The following TNRC6B variants were observed in gnomAD, a reference collection of about 807,000 sequenced individuals.
TNRC6B encodes the protein trinucleotide repeat containing adaptor 6B, also known as trinucleotide repeat-containing gene 6B protein.
In TNRC6B, 52 loss-of-function variants were observed where a neutral mutation model predicts 203.6. The ratio of observed to expected loss-of-function variants is 0.26; its 90% CI spans 0.20 to 0.32. The LOEUF (loss-of-function observed/expected upper bound fraction) is 0.32. Ranked by LOEUF, TNRC6B falls within the 10% of genes least tolerant of loss-of-function variation. The pLI, the probability that TNRC6B is intolerant of heterozygous loss-of-function variation, is 1.00. For synonymous variants in TNRC6B, 838 were observed against 845.7 expected, an observed-to-expected ratio of 0.99 and a Z score of 0.16; for missense variants, 1,923 against 2,286.2, an observed-to-expected ratio of 0.84 and a Z score of 3.24.
intron 1 of TNRC6B, among the ~76,000 whole-genome samples, chr22:40,065,091 GTGTTCCC>G (rs2067884700): frequency 6.8e-6 from 1 of 147,236 alleles, no homozygotes; most frequent in Admixed American, 6.8e-5. Context: ...GAATTGGGAA[GTGTTCCC>G]TTCGTTTTTG....
chr22:40,101,868 C>T (rs2068243961), intron 1 of TNRC6B, among the ~76,000 whole-genome samples: 2 of 152,178 alleles, frequency 1.3e-5, no homozygotes, highest in South Asian at 4.1e-4. Context: ...CAACCGGTGT[C>T]GCTTCTCTGG....
intron 3 of TNRC6B, among the ~76,000 whole-genome samples, chr22:40,130,988 G>A (rs2068538647): frequency 6.7e-6 from 1 of 149,762 alleles, no homozygotes; most frequent in Admixed American, 6.7e-5. Flanking sequence ...TGCAAGCTCC[G>A]CCTCCCGGGT....
chr22:40,138,153 C>A (rs2068616270), intron 3 of TNRC6B, among the ~76,000 whole-genome samples: 1 of 152,090 alleles, frequency 6.6e-6, no homozygotes, highest in Non-Finnish European at 1.5e-5. Flanking sequence ...AGGGGACTGA[C>A]AGGAGAAGCA....
At chr22:40,300,716 A>C in intron 13 of TNRC6B, 130 bp downstream of exon 13, 5 of 1,329,898 alleles carry the variant, frequency 3.8e-6, no homozygotes, top group Non-Finnish European at 5.1e-6. Context: ...TTCTTTGCAA[A>C]CTATGGAGTG....
rs965424644 is a variant in TNRC6B at position 40,300,848 on chromosome 22, G to GTGTCC, written c.3841-60_3841-56dup. ...GTACTTCAGTGCACAGACCCTTTAG[G>GTGTCC]TGTCCTCAGTAAATCAATCTCAGGA... On this transcript the variant is annotated intron_variant, in intron 13 of 22. Coordinates refer to ENST00000454349, the MANE Select transcript of TNRC6B (RefSeq NM_001162501.2). The GTGTCC allele has an allele frequency of 1.3e-5, 19 of 1,506,506 alleles. No homozygotes were observed. In the African/African-American group the frequency reaches 2.3e-4, roughly 19 times the overall value. The allele number at this position is 1,506,506 out of a possible 1,614,324, so 93.3% of individuals were successfully genotyped here.
In TNRC6B at chr22:40,329,019, CA is replaced by C. The variant is rs10707775; in HGVS notation, c.*5790del. 50,424 of 132,460 alleles carry C rather than the reference CA, an allele frequency of 0.38. 11,655 individuals are homozygous for C. Among genetic ancestry groups the C allele is most frequent in the African/African-American group, 0.69 (26,725 of 38,778 alleles). The allele number at this position is 132,460 out of a possible 1,614,324, so 8.2% of individuals were successfully genotyped here. On this transcript the variant is annotated 3_prime_UTR_variant, in exon 23 of 23. Transcript: ENST00000454349. ...TTAACTATACTTCTTAGTGTTACTG[CA>C]AAAAAAAAAAACAAAAACAAAACAA... is the stretch of plus-strand genomic sequence containing the variant.
intron 15 of TNRC6B, among the ~76,000 whole-genome samples, chr22:40,303,311 C>G (rs543008604): frequency 6.6e-6 from 1 of 152,128 alleles, no homozygotes; most frequent in African/African-American, 2.4e-5. Flanking sequence ...CAGGCGTGAG[C>G]CACTGCACCT....
chr22:40,067,878 A>G (rs978365756), intron 1 of TNRC6B, among the ~76,000 whole-genome samples: 7 of 152,150 alleles, frequency 4.6e-5, no homozygotes, highest in African/African-American at 1.2e-4. Context: ...CCCAGAAGCA[A>G]TGCTTCACCA....
At chr22:40,168,129 T>C (rs1409309716) in intron 4 of TNRC6B, among the ~76,000 whole-genome samples, 1 of 152,220 alleles carries the variant, frequency 6.6e-6, no homozygotes, top group South Asian at 2.1e-4. Context: ...TTACACTTTT[T>C]TGTTGATTGC....
intron 1 of TNRC6B, among the ~76,000 whole-genome samples, chr22:40,215,344 T>C (rs2069621427): frequency 6.6e-6 from 1 of 152,208 alleles, no homozygotes; most frequent in Admixed American, 6.5e-5. Flanking sequence ...CCCCATTCTC[T>C]GTGTGTGCTT....
At chr22:40,167,730 A>C (rs111980780) in intron 4 of TNRC6B, among the ~76,000 whole-genome samples, 1 of 123,986 alleles carries the variant, frequency 8.1e-6, no homozygotes, top group Non-Finnish European at 1.7e-5. Flanking sequence ...AAAAAAAAAA[A>C]GCTGGCCATG....
rs2071462453 is a variant in TNRC6B, at chr22:40,331,245, A to G, written c.*8004A>G. The G allele has an allele frequency of 6.5e-6, 1 of 153,516 alleles. No individual in the cohort carries two copies. The highest frequency in any genetic ancestry group is 2.4e-5 in the African/African-American group (1 of 41,506). The allele number at this position is 153,516 out of a possible 1,614,324, so 9.5% of individuals were successfully genotyped here. On this transcript the variant is annotated 3_prime_UTR_variant, in exon 23 of 23. Transcript: ENST00000454349. ...TGTTGATGCAAACAGGGTATTACACACAAGGAAAAGGGGTTTTGAAGAGTT... is the reference window on the plus strand; with the variant it reads ...TGTTGATGCAAACAGGGTATTACACGCAAGGAAAAGGGGTTTTGAAGAGTT...
At position 40,170,290 on chromosome 22, in the gene TNRC6B, A is replaced by T. The variant is rs1372526922; in HGVS notation, c.113+14108A>T. On this transcript the variant is annotated intron_variant, in intron 4 of 23. Transcript: ENST00000301923. Reference sequence around the variant, plus strand: ...GAAACCCTATCTCAAGGGGGAAAAAAATATATATATATAATATATATTTTA... The same window carrying T: ...GAAACCCTATCTCAAGGGGGAAAAATATATATATATATAATATATATTTTA... 1.6e-4 allele frequency among the ~76,000 whole-genome samples: 20 copies of T among 125,672 alleles called. No homozygotes were observed. The East Asian group carries it at 1.9e-3, about 12-fold the overall frequency. The allele number at this position is 125,672 out of a possible 152,430, so 82.4% of individuals were successfully genotyped here.
upstream of TNRC6B, among the ~76,000 whole-genome samples, chr22:40,177,208 G>A (rs1051615673): frequency 6.6e-6 from 1 of 152,192 alleles, no homozygotes; most frequent in Non-Finnish European, 1.5e-5. Context: ...TGCGGTGGGG[G>A]AGGGGATTAA....
Position 40,265,158 on chromosome 22 carries a change from G to C in TNRC6B, c.928G>C (p.Ala310Pro). 1 of 1,613,966 alleles carries C rather than the reference G, an allele frequency of 6.2e-7. No individual in the cohort carries two copies. Among genetic ancestry groups the C allele is most frequent in the Non-Finnish European group, 8.5e-7 (1 of 1,179,884 alleles). Residue 310 changes from alanine to proline, a missense_variant, in exon 5 of 23, where the codon GCC becomes CCC. Ala to Pro is a conservative substitution (Grantham distance 27, BLOSUM62 -1). This residue lies in a region of TNRC6B where 614 missense variants were observed against 587.7 expected (regional missense o/e 1.04). Coordinates refer to ENST00000454349, the MANE Select transcript of TNRC6B (RefSeq NM_001162501.2). ...SNFNPNSNPS[A>P]WPALVQEGTS... ...CTTTAACCCAAATAGCAACCCATCT[G>C]CCTGGCCAGCACTGGTCCAAGAAGG...
rs769171041 is a variant in TNRC6B at position 40,091,044 on chromosome 22, C to T, written c.-120-26011C>T. Among the ~76,000 whole-genome samples the T allele has an allele frequency of 4.6e-5, 7 of 152,250 alleles. No homozygotes were observed. The South Asian group carries it at 6.2e-4, about 14-fold the overall frequency. On this transcript the variant is annotated intron_variant, in intron 1 of 23. Transcript: ENST00000301923. ...TCGCCCAGGCTGGAGTGCAGTAGCA[C>T]GATCTTGGCTCACTGCAAGCTTCGC...
chr22:40,056,666 C>T (rs558854381), intron 1 of TNRC6B, among the ~76,000 whole-genome samples: 6 of 152,062 alleles, frequency 3.9e-5, no homozygotes, highest in African/African-American at 1.2e-4. Flanking sequence ...AGCATGATGG[C>T]ACATGCCTGT....
chr22:40,107,633 T>G (rs1228332357), intron 1 of TNRC6B, among the ~76,000 whole-genome samples: 6 of 151,792 alleles, frequency 4.0e-5, no homozygotes, highest in Non-Finnish European at 8.8e-5. Context: ...TAAAATACTG[T>G]TAGACAAATT....
chr22:40,204,228 T>G (rs2069450286), intron 1 of TNRC6B, among the ~76,000 whole-genome samples: 2 of 152,220 alleles, frequency 1.3e-5, no homozygotes, highest in South Asian at 4.1e-4. Context: ...TCTTTGTTGT[T>G]TAATTATAGG....
Sources: gnomAD v4.1 joint callset for allele counts (sites outside exome capture counted in the v4.1 genomes callset) on GRCh38, gnomAD v4.1.1 for gene constraint, gnomAD v4.1.1 regional missense constraint, MANE v1.5 for transcripts, NCBI Gene and HGNC (gene_info 2026-07-23, HGNC 2026-07-21) for gene names.